The following TRIM14 variants were observed in gnomAD, a reference collection of about 807,000 sequenced individuals.
TRIM14 encodes tripartite motif containing 14.
Under a neutral mutation model 44.5 loss-of-function variants are expected in TRIM14, and 28 were observed. The observed-to-expected ratio is 0.63, with a 90% CI of 0.47 to 0.86. TRIM14 has a LOEUF of 0.86. TRIM14 is among the 40% of genes least tolerant of loss of function. The probability of loss-of-function intolerance (pLI) is 0.00; values close to 1 mark genes in which losing one functional copy is unlikely to be tolerated. For missense variants in TRIM14, 607 were observed against 611.1 expected, an observed-to-expected ratio of 0.99 and a Z score of 0.07; for synonymous variants, 299 against 269.2, an observed-to-expected ratio of 1.11 and a Z score of -1.08.
chr9:98,057,380 G>T, the TRIM14 span, among the ~76,000 whole-genome samples: 4 of 152,252 alleles, frequency 2.6e-5, no homozygotes, highest in African/African-American at 9.6e-5. Flanking sequence ...AGGAATGACA[G>T]TTCCTGGAAG....
At chr9:98,075,832 A>G (rs1292859288) in intron 6 of TRIM14, 4 of 152,144 alleles carry the variant, frequency 2.6e-5, no homozygotes, top group African/African-American at 7.2e-5. Flanking sequence ...TAGTATATCA[A>G]TTACACCTTA....
At chr9:98,036,644 A>G in the TRIM14 span, among the ~76,000 whole-genome samples, 1 of 152,114 alleles carries the variant, frequency 6.6e-6, no homozygotes, top group Admixed American at 6.5e-5. Context: ...TCTACTGAAA[A>G]TACAGTATTA....
rs1406322526 is a variant in TRIM14 at position 98,088,129 on chromosome 9, G to T, written c.794-124C>A. ...AAGCGCGGAAATGGCCCAAGGAAGGGGTGACAGACCCCTTTAAACCGCGAC... is the reference window on the plus strand; with the variant it reads ...AAGCGCGGAAATGGCCCAAGGAAGGTGTGACAGACCCCTTTAAACCGCGAC... On this transcript the variant is annotated intron_variant, in intron 5 of 5. Transcript: ENST00000341469. 15 of 1,144,716 alleles carry T rather than the reference G, an allele frequency of 1.3e-5. No individual in the cohort carries two copies. The South Asian group carries it at 2.8e-4, about 21-fold the overall frequency. The allele number at this position is 1,144,716 out of a possible 1,614,324, so 70.9% of individuals were successfully genotyped here. A position where few individuals can be genotyped will look rare whatever the true frequency, so the allele number is the denominator to read the frequency against.
chr9:98,091,439 G>A (rs1019159958), intron 5 of TRIM14, among the ~76,000 whole-genome samples: 7 of 151,624 alleles, frequency 4.6e-5, no homozygotes, highest in Admixed American at 1.3e-4. Context: ...AGCAAGACTC[G>A]GTCACACACA....
chr9:98,097,520 CAG>C (rs1409067860), intron 3 of TRIM14, among the ~76,000 whole-genome samples: 1 of 152,210 alleles, frequency 6.6e-6, no homozygotes, highest in East Asian at 1.9e-4. Context: ...TTCTCCCAGC[CAG>C]AGAGTGTCAG....
intron 3 of TRIM14, among the ~76,000 whole-genome samples, chr9:98,097,564 T>C (rs1826231166): frequency 1.3e-5 from 2 of 152,264 alleles, no homozygotes; most frequent in Admixed American, 6.5e-5. Context: ...GCTAGCTTCA[T>C]ATTTACAAAA....
intron 2 of TRIM14, among the ~76,000 whole-genome samples, chr9:98,101,427 ATT>A (rs796209312): frequency 1.2e-4 from 17 of 143,746 alleles, no homozygotes; most frequent in African/African-American, 4.1e-4. Context: ...ATAGCTATCA[ATT>A]TTTTTTTTTT....
At chr9:98,080,175 T>C (rs1829789813), downstream of TRIM14, among the ~76,000 whole-genome samples, 2 of 152,140 alleles carry the variant, frequency 1.3e-5, no homozygotes, top group Non-Finnish European at 2.9e-5. Flanking sequence ...GATCACGCCA[T>C]TGCACTCCAG....
the TRIM14 span, among the ~76,000 whole-genome samples, chr9:98,046,795 G>C: frequency 6.6e-6 from 1 of 152,018 alleles, no homozygotes; most frequent in Non-Finnish European, 1.5e-5. Context: ...CTTTACAAAA[G>C]GCAAATAAAA....
At chr9:98,041,319 A>G in the TRIM14 span, among the ~76,000 whole-genome samples, 29 of 151,906 alleles carry the variant, frequency 1.9e-4, no homozygotes, top group African/African-American at 6.8e-4. Context: ...TTTGAAGCCA[A>G]TTTTTTCTCT....
chr9:98,036,637 A>G, the TRIM14 span, among the ~76,000 whole-genome samples: 1 of 152,028 alleles, frequency 6.6e-6, no homozygotes, highest in Non-Finnish European at 1.5e-5. Context: ...CCCCATCTCT[A>G]CTGAAAATAC....
In TRIM14 at chr9:98,087,427, G is replaced by A; in HGVS notation, c.*43C>T. 1 of 1,608,446 alleles carries A rather than the reference G, an allele frequency of 6.2e-7. No homozygotes were observed. Among genetic ancestry groups the A allele is most frequent in the Non-Finnish European group, 8.5e-7 (1 of 1,176,258 alleles). On this transcript the variant is annotated 3_prime_UTR_variant, in exon 6 of 6. Coordinates refer to ENST00000341469, the MANE Select transcript of TRIM14 (RefSeq NM_014788.4). Reference sequence around the variant, plus strand: ...ATCTAGGTAGATTAGGCGAGACTGGGCAGCTGCGGCGTACCTGGAGGCTGT... The same window carrying A: ...ATCTAGGTAGATTAGGCGAGACTGGACAGCTGCGGCGTACCTGGAGGCTGT...
chr9:98,079,366 C>A (rs372028653), downstream of TRIM14, among the ~76,000 whole-genome samples: 11 of 152,288 alleles, frequency 7.2e-5, no homozygotes, highest in South Asian at 2.3e-3. Context: ...ATACTAGAAT[C>A]CTGATATTGC....
chr9:98,092,427 C>T (rs1826029316), intron 4 of TRIM14: 2 of 317,658 alleles, frequency 6.3e-6, no homozygotes, highest in South Asian at 4.8e-5. Flanking sequence ...CCTGGACAGC[C>T]CCCCCACACC....
At chr9:98,040,156 C>T in the TRIM14 span, among the ~76,000 whole-genome samples, 1 of 152,138 alleles carries the variant, frequency 6.6e-6, no homozygotes, top group Admixed American at 6.5e-5. Flanking sequence ...TCTCTCTTTC[C>T]TTTGGTTGCC....
At chr9:98,099,268 C>A (rs1587958130) in intron 3 of TRIM14, among the ~76,000 whole-genome samples, 1 of 151,900 alleles carries the variant, frequency 6.6e-6, no homozygotes, top group African/African-American at 2.4e-5. Flanking sequence ...GCCTGACCAA[C>A]GTGGAGAAAC....
Position 98,087,966 on chromosome 9 carries a change from G to T in TRIM14, c.833C>A (p.Ala278Glu). ...TPTLDPDTMHARLRLSADRLT... is the reference protein window; with the variant it reads ...TPTLDPDTMHERLRLSADRLT... Reference sequence around the variant, plus strand: ...GCGATCGGCGGACAGGCGCAGGCGCGCGTGCATCGTGTCAGGATCCAGCGT... The same window carrying T: ...GCGATCGGCGGACAGGCGCAGGCGCTCGTGCATCGTGTCAGGATCCAGCGT... Residue 278 changes from alanine to glutamate, a missense_variant, in exon 6 of 6, where the codon GCG (alanine) becomes GAG (glutamate). Ala to Glu is a moderately radical substitution (Grantham distance 107, BLOSUM62 -1). Transcript: ENST00000341469. 6.4e-7 allele frequency: 1 copy of T among 1,561,214 alleles called. No homozygotes were observed. Among genetic ancestry groups the T allele is most frequent in the Non-Finnish European group, 8.6e-7 (1 of 1,164,656 alleles).
chr9:98,044,350 G>A, the TRIM14 span, among the ~76,000 whole-genome samples: 1 of 150,900 alleles, frequency 6.6e-6, no homozygotes, highest in South Asian at 2.1e-4. Context: ...CAGCTAGCAA[G>A]GGCAAAATGC....
chr9:98,114,728 C>T (rs1826985243), intron 1 of TRIM14, among the ~76,000 whole-genome samples: 1 of 152,152 alleles, frequency 6.6e-6, no homozygotes, highest in African/African-American at 2.4e-5. Flanking sequence ...CTGACAAGTA[C>T]TCTTGAATAC....
Sources: gnomAD v4.1 joint callset for allele counts (sites outside exome capture counted in the v4.1 genomes callset) on GRCh38, gnomAD v4.1.1 for gene constraint, MANE v1.5 for transcripts, NCBI Gene and HGNC (gene_info 2026-07-23, HGNC 2026-07-21) for gene names.